The following PCDHA3 variants were observed in gnomAD, a reference collection of about 807,000 sequenced individuals.
PCDHA3 encodes protocadherin alpha 3.
In PCDHA3, 41 loss-of-function variants were observed where a neutral mutation model predicts 62.2. The observed-to-expected ratio is 0.66, with a 90% CI of 0.51 to 0.86. The LOEUF is 0.86. Ranked by LOEUF, PCDHA3 falls within the 40% of genes least tolerant of loss-of-function variation. The pLI, the probability that PCDHA3 is intolerant of heterozygous loss-of-function variation, is 0.00. For missense variants in PCDHA3, 1,304 were observed against 1,241.2 expected, an observed-to-expected ratio of 1.05 and a Z score of -0.76; for synonymous variants, 640 against 555.4, an observed-to-expected ratio of 1.15 and a Z score of -2.14.
At chr5:140,944,344 C>T (rs567913669) in intron 1 of PCDHA3, among the ~76,000 whole-genome samples, 5 of 152,238 alleles carry the variant, frequency 3.3e-5, no homozygotes, top group Admixed American at 2.0e-4. Context: ...CGTGCCACCA[C>T]ACCTGGCTAA....
At chr5:140,976,884 A>T (rs1423993981) in intron 1 of PCDHA3, among the ~76,000 whole-genome samples, 1 of 152,232 alleles carries the variant, frequency 6.6e-6, no homozygotes, top group Non-Finnish European at 1.5e-5. Context: ...AAGAATTAGG[A>T]TACATGCAAC....
In PCDHA3 at chr5:140,858,203, C is replaced by T. The variant is rs781959847; in HGVS notation, c.2394+54612C>T. On this transcript the variant is annotated intron_variant, in intron 1 of 3. Coordinates refer to ENST00000522353, the MANE Select transcript of PCDHA3 (RefSeq NM_018906.3). The stretch of plus-strand genomic sequence containing the variant: ...GCTCACGCTGCTGCTGTACACTGCA[C>T]TGAGGTGCTCGGCGGCGCCCACCGA... The T allele has an allele frequency of 3.7e-5, 59 of 1,595,952 alleles. 8 individuals are homozygous for T. Among genetic ancestry groups the T allele is most frequent in the Non-Finnish European group, 4.8e-5 (56 of 1,166,554 alleles).
At chr5:140,830,279 G>A (rs2150184149) in intron 1 of PCDHA3, 1 of 1,613,822 alleles carries the variant, frequency 6.2e-7, no homozygotes, top group Non-Finnish European at 8.5e-7. Flanking sequence ...ACCCACCGAG[G>A]GCGCGTGCAC....
intron 1 of PCDHA3, among the ~76,000 whole-genome samples, chr5:140,921,683 C>T (rs1554200360): frequency 6.6e-6 from 1 of 152,154 alleles, no homozygotes; most frequent in East Asian, 1.9e-4. Flanking sequence ...TCATCAAACA[C>T]TGGCCACCTC....
chr5:140,968,869 C>T, intron 1 of PCDHA3: 1 of 1,614,210 alleles, frequency 6.2e-7, no homozygotes, highest in Non-Finnish European at 8.5e-7. Flanking sequence ...CTCGGACATA[C>T]TCTGAAATTA....
At chr5:140,832,466 T>A (rs1022367825) in intron 1 of PCDHA3, among the ~76,000 whole-genome samples, 6 of 152,304 alleles carry the variant, frequency 3.9e-5, no homozygotes, top group Admixed American at 1.3e-4. Flanking sequence ...CACTAAAATT[T>A]AAAAAAACTA....
intron 1 of PCDHA3, among the ~76,000 whole-genome samples, chr5:140,839,236 T>C (rs1562375380): frequency 6.6e-6 from 1 of 152,030 alleles, no homozygotes. Flanking sequence ...CTGTTTTTAT[T>C]GCTTTGCTTT....
chr5:140,824,610 G>GTTGTTTTTTTTTTT (rs1768193318), intron 1 of PCDHA3: 1 of 95,104 alleles, frequency 1.1e-5, no homozygotes, highest in African/African-American at 4.9e-5. Flanking sequence ...GCTAATTAAA[G>GTTGTTTTTTTTTTT]TTTTTTTTTT....
intron 1 of PCDHA3, chr5:140,808,225 T>G: frequency 6.2e-7 from 1 of 1,614,252 alleles, no homozygotes; most frequent in Non-Finnish European, 8.5e-7. Context: ...ACAACGATAA[T>G]GTCCCAGATT....
chr5:140,863,354 T>C, intron 1 of PCDHA3: 1 of 1,283,244 alleles, frequency 7.8e-7, no homozygotes, highest in Non-Finnish European at 1.1e-6. Flanking sequence ...TACACGACGC[T>C]GCGGTGCTTG....
At chr5:140,807,396 G>C in intron 1 of PCDHA3, 1 of 1,442,524 alleles carries the variant, frequency 6.9e-7, no homozygotes, top group Non-Finnish European at 9.5e-7. Flanking sequence ...GCGTCCAAGG[G>C]CCGCGGAGGC....
chr5:140,870,732 T>G (rs782731773), intron 1 of PCDHA3: 27 of 1,613,288 alleles, frequency 1.7e-5, no homozygotes, highest in African/African-American at 2.7e-5. Flanking sequence ...GCGTGCCGCC[T>G]CTGAGCAGCA....
chr5:140,846,741 C>G (rs1466625417), intron 1 of PCDHA3, among the ~76,000 whole-genome samples: 1 of 149,290 alleles, frequency 6.7e-6, no homozygotes, highest in African/African-American at 2.5e-5. Flanking sequence ...AAATAGGACC[C>G]TTACAGATCT....
In PCDHA3 at chr5:140,803,242, C is replaced by A. The variant is rs1763153427; in HGVS notation, c.2045C>A (p.Ala682Glu). Residue 682 changes from alanine to glutamate, a missense_variant, in exon 1 of 4, where the codon GCG (alanine) becomes GAG (glutamate). By Grantham distance (107) the Ala-to-Glu change is moderately radical. Coordinates refer to ENST00000522353, the MANE Select transcript of PCDHA3 (RefSeq NM_018906.3). ...SGQAPKASSQ[A>E]SAGATGPEAA... The stretch of plus-strand genomic sequence containing the variant: ...CAGGCACCCAAGGCCTCGTCCCAGG[C>A]GTCCGCTGGCGCCACGGGCCCGGAA... 1.2e-6 allele frequency: 2 copies of A among 1,613,806 alleles called. No individual in the cohort carries two copies. Among genetic ancestry groups the A allele is most frequent in the Non-Finnish European group, 1.7e-6 (2 of 1,179,944 alleles).
intron 1 of PCDHA3, among the ~76,000 whole-genome samples, chr5:140,937,820 G>T (rs554138611): frequency 2.6e-5 from 4 of 151,792 alleles, no homozygotes; most frequent in African/African-American, 9.7e-5. Flanking sequence ...GCTGAGGCAG[G>T]AGAATGGCAT....
At chr5:140,824,067 CA>C in intron 1 of PCDHA3, 1 of 1,614,190 alleles carries the variant, frequency 6.2e-7, no homozygotes, top group Non-Finnish European at 8.5e-7. Context: ...AAGCTCCACC[CA>C]AAACAGACCT....
intron 1 of PCDHA3, among the ~76,000 whole-genome samples, chr5:140,885,620 G>A (rs1480920354): frequency 1.3e-5 from 2 of 152,120 alleles, no homozygotes; most frequent in Non-Finnish European, 2.9e-5. Context: ...TATAAAATAT[G>A]TCACTGGATT....
In PCDHA3 at chr5:140,882,368, T is replaced by C. The variant is rs781902519; in HGVS notation, c.2394+78777T>C. On this transcript the variant is annotated intron_variant, in intron 1 of 3. Transcript: ENST00000522353. ...GACGGGTAGTGGCCAGCTCCACTAC[T>C]CCGTCCCCGAGGAAGCAAAACACGG... 1.9e-6 allele frequency: 3 copies of C among 1,614,218 alleles called. No individual in the cohort carries two copies. The South Asian group carries it at 3.3e-5, about 18-fold the overall frequency.
chr5:140,822,418 G>C, intron 1 of PCDHA3: 1 of 1,614,068 alleles, frequency 6.2e-7, no homozygotes, highest in South Asian at 1.1e-5. Flanking sequence ...GATTGCAACT[G>C]ATGGAGGAAA....
Sources: gnomAD v4.1 joint callset for allele counts (sites outside exome capture counted in the v4.1 genomes callset) on GRCh38, gnomAD v4.1.1 for gene constraint, MANE v1.5 for transcripts, NCBI Gene and HGNC (gene_info 2026-07-23, HGNC 2026-07-21) for gene names.